The following UNC5D variants were observed in gnomAD, a reference collection of about 807,000 sequenced individuals.
The protein encoded by UNC5D is netrin receptor UNC5D.
In UNC5D, 39 loss-of-function variants were observed where a neutral mutation model predicts 105.4. The ratio of observed to expected loss-of-function variants is 0.37; its 90% CI spans 0.29 to 0.48. The LOEUF (loss-of-function observed/expected upper bound fraction) is 0.48, where lower values mean the gene tolerates loss of function less well. UNC5D is among the 20% of genes least tolerant of loss of function. The probability of loss-of-function intolerance (pLI) is 0.98; values close to 1 mark genes in which losing one functional copy is unlikely to be tolerated. For synonymous variants in UNC5D, 452 were observed against 450.4 expected (o/e 1.00, Z -0.04); for missense variants, 991 against 1,202.4 (o/e 0.82, Z 2.60).
intron 2 of UNC5D, among the ~76,000 whole-genome samples, chr8:35,555,114 A>G (rs547812373): frequency 1.0e-3 from 154 of 152,354 alleles, no homozygotes; most frequent in Admixed American, 4.4e-3. Context: ...TGGGAAGCAT[A>G]TATTTTAGGC....
chr8:35,350,459 A>G lies in UNC5D; in HGVS notation c.103+114572A>G, dbSNP rs555581940. Among the ~76,000 whole-genome samples the G allele has an allele frequency of 2.6e-5, 4 of 152,118 alleles. No homozygotes were observed. In the East Asian group the frequency reaches 7.7e-4, roughly 29 times the overall value. Reference sequence around the variant, plus strand: ...GTGCCTAGCATGTAGTAGGCATACAATAAGTATTTGTTTAATGTTTGAATA... The same window carrying G: ...GTGCCTAGCATGTAGTAGGCATACAGTAAGTATTTGTTTAATGTTTGAATA... On this transcript the variant is annotated intron_variant, in intron 1 of 16. Transcript: ENST00000404895.
At chr8:35,297,167 C>T (rs1258976692) in intron 1 of UNC5D, among the ~76,000 whole-genome samples, 1 of 152,080 alleles carries the variant, frequency 6.6e-6, no homozygotes, top group Non-Finnish European at 1.5e-5. Context: ...TCTATTTGGG[C>T]ACTTTTTTCC....
intron 1 of UNC5D, among the ~76,000 whole-genome samples, chr8:35,314,280 G>A (rs535429533): frequency 2.0e-5 from 3 of 152,186 alleles, no homozygotes; most frequent in East Asian, 3.9e-4. Context: ...CGATCGAAAC[G>A]AACATGAGTT....
chr8:35,755,865 A>C (rs536230460), intron 13 of UNC5D, among the ~76,000 whole-genome samples: 1 of 152,304 alleles, frequency 6.6e-6, no homozygotes, highest in South Asian at 2.1e-4. Flanking sequence ...TCAAATTACT[A>C]TCAAGCCTCA....
chr8:35,276,199 T>C (rs1563272327), intron 1 of UNC5D, among the ~76,000 whole-genome samples: 1 of 152,310 alleles, frequency 6.6e-6, no homozygotes, highest in East Asian at 1.9e-4. Context: ...CATAATAACA[T>C]GATAACAGCA....
chr8:35,493,747 G>T (rs967553853), intron 1 of UNC5D, among the ~76,000 whole-genome samples: 7 of 152,004 alleles, frequency 4.6e-5, no homozygotes, highest in African/African-American at 1.7e-4. Context: ...AGTTTGTTTT[G>T]TAGAATGCTT....
intron 7 of UNC5D, among the ~76,000 whole-genome samples, chr8:35,696,436 T>C (rs943399103): frequency 2.0e-5 from 3 of 152,068 alleles, no homozygotes; most frequent in Non-Finnish European, 4.4e-5. Context: ...ATTTGCAGTG[T>C]AATTAATCAG....
chr8:35,512,984 C>T (rs1003494488), intron 1 of UNC5D, among the ~76,000 whole-genome samples: 4 of 148,410 alleles, frequency 2.7e-5, no homozygotes, highest in African/African-American at 9.9e-5. Flanking sequence ...CCTGGCTTTG[C>T]CCCTTTATTC....
intron 8 of UNC5D, among the ~76,000 whole-genome samples, chr8:35,719,212 T>A (rs1253907423): frequency 6.4e-5 from 9 of 141,262 alleles, no homozygotes; most frequent in African/African-American, 2.1e-4. Flanking sequence ...TCTCATGAAG[T>A]CAGGGTAAAA....
chr8:35,476,109 G>A (rs545495708), intron 1 of UNC5D, among the ~76,000 whole-genome samples: 34 of 152,322 alleles, frequency 2.2e-4, no homozygotes, highest in African/African-American at 8.2e-4. Context: ...CTATGTGCAA[G>A]CTGGAATAAT....
chr8:35,468,120 T>G (rs1809443738), intron 1 of UNC5D, among the ~76,000 whole-genome samples: 1 of 152,180 alleles, frequency 6.6e-6, no homozygotes. Flanking sequence ...AAAACCAAGA[T>G]GGCATTCAGA....
intron 1 of UNC5D, among the ~76,000 whole-genome samples, chr8:35,546,717 T>C (rs1347874807): frequency 6.6e-6 from 1 of 152,202 alleles, no homozygotes. Context: ...TTGTTGAAGA[T>C]AGAAATTGGT....
intron 15 of UNC5D, among the ~76,000 whole-genome samples, chr8:35,773,913 G>C (rs1345302685): frequency 1.3e-5 from 2 of 152,084 alleles, no homozygotes; most frequent in African/African-American, 4.8e-5. Flanking sequence ...TAGTAGAGAT[G>C]GGGTTTCACC....
chr8:35,671,667 T>C (rs1480846549), intron 4 of UNC5D, among the ~76,000 whole-genome samples: 2 of 152,188 alleles, frequency 1.3e-5, no homozygotes, highest in African/African-American at 4.8e-5. Flanking sequence ...GTTTTGCAGT[T>C]GTTTTATTAT....
intron 1 of UNC5D, among the ~76,000 whole-genome samples, chr8:35,486,046 G>C (rs1172163170): frequency 1.3e-5 from 2 of 151,884 alleles, no homozygotes; most frequent in African/African-American, 4.8e-5. Flanking sequence ...TTTTTTCTAG[G>C]CAGTAATTTA....
intron 1 of UNC5D, among the ~76,000 whole-genome samples, chr8:35,318,437 C>A (rs1238288276): frequency 6.6e-6 from 1 of 152,054 alleles, no homozygotes; most frequent in Non-Finnish European, 1.5e-5. Flanking sequence ...GGAAGTCAGA[C>A]ACAGCTGGGT....
At chr8:35,773,072 CTTAA>C (rs756229449) in intron 15 of UNC5D, among the ~76,000 whole-genome samples, 6 of 152,316 alleles carry the variant, frequency 3.9e-5, no homozygotes, top group South Asian at 2.1e-4. Context: ...GAAAAAATCT[CTTAA>C]TTGAGTCAGT....
At chr8:35,651,902 A>G (rs146479030) in intron 4 of UNC5D, among the ~76,000 whole-genome samples, 1,662 of 152,288 alleles carry the variant, frequency 0.011, 31 homozygotes, top group African/African-American at 0.038. Flanking sequence ...TCATTCTGCT[A>G]CTTAAGAAAC....
At position 35,723,143 on chromosome 8, in the gene UNC5D, G is replaced by A. The variant is rs192287395; in HGVS notation, c.1303+748G>A. The stretch of plus-strand genomic sequence containing the variant: ...GAAGTTTTCTACCTTGACCCTCATC[G>A]TCAATATCGTCACCTTCATTTCTGT... On this transcript the variant is annotated intron_variant, in intron 9 of 16. Transcript: ENST00000404895. 3.6e-3 allele frequency among the ~76,000 whole-genome samples: 544 copies of A among 152,192 alleles called. 2 individuals carry two copies. The highest frequency in any genetic ancestry group is 0.013 in the African/African-American group (520 of 41,518).
Sources: gnomAD v4.1 joint callset for allele counts (sites outside exome capture counted in the v4.1 genomes callset) on GRCh38, gnomAD v4.1.1 for gene constraint, MANE v1.5 for transcripts, NCBI Gene and HGNC (gene_info 2026-07-23, HGNC 2026-07-21) for gene names.